Variants in C3orf49 observed in about 807,000 individuals in gnomAD.
C3orf49 encodes putative uncharacterized protein C3orf49.
A neutral mutation model predicts 13.3 loss-of-function variants in C3orf49; 27 were observed. The observed-to-expected ratio is 2.02, with a 90% CI of 1.49 to 2.79. The LOEUF is 2.79. C3orf49 is among the 30% of genes most tolerant of loss of function. The pLI is 0.00. For missense variants in C3orf49, 242 were observed against 134.2 expected (o/e 1.80, Z -3.97); for synonymous variants, 87 against 47.6 (o/e 1.83, Z -3.40).
At chr3:63,844,381 ACT>A (rs1339533850) in intron 5 of C3orf49, among the ~76,000 whole-genome samples, 2 of 152,084 alleles carry the variant, frequency 1.3e-5, no homozygotes, top group African/African-American at 4.8e-5. Flanking sequence ...AAAAATGATA[ACT>A]CTGTGAGGTA....
chr3:63,835,311 T>C, intron 5 of C3orf49: 1 of 1,613,474 alleles, frequency 6.2e-7, no homozygotes. Flanking sequence ...AGGCTAAATA[T>C]ATATGCGAAT....
chr3:63,840,373 CT>C (rs1351647343), intron 5 of C3orf49, among the ~76,000 whole-genome samples: 1 of 152,040 alleles, frequency 6.6e-6, no homozygotes, highest in African/African-American at 2.4e-5. Flanking sequence ...GGGAGTATCA[CT>C]TGAGCCCAGG....
chr3:63,815,769 T>A (rs529056167), upstream of C3orf49, among the ~76,000 whole-genome samples: 1 of 148,436 alleles, frequency 6.7e-6, no homozygotes, highest in Non-Finnish European at 1.5e-5. Context: ...TTTCTTTTCT[T>A]TCTTTTTTTT....
the C3orf49 span, among the ~76,000 whole-genome samples, chr3:63,812,391 C>CA: frequency 1.3e-5 from 2 of 152,178 alleles, no homozygotes; most frequent in Non-Finnish European, 2.9e-5. Flanking sequence ...GTCCACGGGC[C>CA]ACACGTTGGA....
At chr3:63,816,500 C>T (rs547566065), upstream of C3orf49, among the ~76,000 whole-genome samples, 7 of 151,810 alleles carry the variant, frequency 4.6e-5, no homozygotes, top group East Asian at 2.0e-4. Context: ...GCACAAGAAT[C>T]GCTTGAACCC....
chr3:63,803,763 AAT>A, the C3orf49 span, among the ~76,000 whole-genome samples: 2 of 152,290 alleles, frequency 1.3e-5, no homozygotes, highest in Non-Finnish European at 2.9e-5. Flanking sequence ...CATGGAAGAC[AAT>A]TTCCACAGAC....
chr3:63,796,582 T>A, the C3orf49 span, among the ~76,000 whole-genome samples: 1 of 152,166 alleles, frequency 6.6e-6, no homozygotes, highest in Non-Finnish European at 1.5e-5. Flanking sequence ...CCCCAAGATA[T>A]ATGCAATATA....
At chr3:63,801,255 G>A in the C3orf49 span, among the ~76,000 whole-genome samples, 4 of 152,074 alleles carry the variant, frequency 2.6e-5, no homozygotes, top group East Asian at 7.7e-4. Context: ...CAATATCTGA[G>A]CCTCAAATTT....
At chr3:63,846,460 T>A (rs1365019454) in intron 6 of C3orf49, among the ~76,000 whole-genome samples, 1 of 152,104 alleles carries the variant, frequency 6.6e-6, no homozygotes, top group East Asian at 1.9e-4. Flanking sequence ...CAGGCTGGAG[T>A]GCAAGGGCGC....
intron 5 of C3orf49, 157 bp downstream of exon 5, chr3:63,832,001 C>T: frequency 1.8e-6 from 1 of 559,738 alleles, no homozygotes. Flanking sequence ...CAAAACCAGC[C>T]TGGCCAACAT....
At chr3:63,796,361 G>A in the C3orf49 span, among the ~76,000 whole-genome samples, 2 of 151,872 alleles carry the variant, frequency 1.3e-5, no homozygotes, top group Non-Finnish European at 2.9e-5. Context: ...ATTTCCAAGG[G>A]GATTAATCCC....
the C3orf49 span, among the ~76,000 whole-genome samples, chr3:63,786,884 T>C: frequency 2.0e-5 from 3 of 152,164 alleles, no homozygotes; most frequent in Non-Finnish European, 1.5e-5. Flanking sequence ...AAGATAAACT[T>C]CTCGAGAAAG....
At chr3:63,828,091 A>G (rs529872931) in intron 3 of C3orf49, among the ~76,000 whole-genome samples, 1 of 152,360 alleles carries the variant, frequency 6.6e-6, no homozygotes, top group Admixed American at 6.5e-5. Flanking sequence ...GTAAGTATGC[A>G]TTGTCCAATA....
chr3:63,808,175 G>A, the C3orf49 span, among the ~76,000 whole-genome samples: 2 of 152,140 alleles, frequency 1.3e-5, no homozygotes, highest in Non-Finnish European at 2.9e-5. Flanking sequence ...CCTCTGGCTG[G>A]ACCAGTTAGG....
At chr3:63,826,336 A>G (rs763282884) in intron 2 of C3orf49, among the ~76,000 whole-genome samples, 6 of 152,204 alleles carry the variant, frequency 3.9e-5, no homozygotes, top group Non-Finnish European at 7.3e-5. Context: ...TCTTTCAGGC[A>G]AGGAATGACA....
the C3orf49 span, among the ~76,000 whole-genome samples, chr3:63,794,107 A>G: frequency 1.3e-5 from 2 of 151,916 alleles, no homozygotes; most frequent in Admixed American, 1.3e-4. Flanking sequence ...GTGAACTACG[A>G]TCATGCCACT....
the C3orf49 span, among the ~76,000 whole-genome samples, chr3:63,790,574 G>A: frequency 6.8e-6 from 1 of 147,694 alleles, no homozygotes. Context: ...CCAAGTCTAG[G>A]ATCTTGCTAT....
At chr3:63,832,591 G>A (rs984860925) in intron 5 of C3orf49, among the ~76,000 whole-genome samples, 18 of 152,070 alleles carry the variant, frequency 1.2e-4, no homozygotes, top group Admixed American at 9.8e-4. Flanking sequence ...AAGCCTGGGA[G>A]GTCAAGGCTA....
At chr3:63,800,249 C>A in the C3orf49 span, among the ~76,000 whole-genome samples, 1 of 152,082 alleles carries the variant, frequency 6.6e-6, no homozygotes. Context: ...AAAACGGTAT[C>A]CTCTGGGTCG....
Sources: gnomAD v4.1 joint callset for allele counts (sites outside exome capture counted in the v4.1 genomes callset) on GRCh38, gnomAD v4.1.1 for gene constraint, MANE v1.5 for transcripts, NCBI Gene and HGNC (gene_info 2026-07-23, HGNC 2026-07-21) for gene names.